Variants in ABTB1 observed in about 807,000 individuals in gnomAD.
The protein encoded by ABTB1 is ankyrin repeat and BTB domain containing 1.
A neutral mutation model predicts 57.1 loss-of-function variants in ABTB1; 45 were observed. That is an observed-to-expected ratio of 0.79 (90% CI 0.62 to 1.01). The LOEUF is 1.01. ABTB1 is among the 50% of genes least tolerant of loss of function. The pLI, the probability that ABTB1 is intolerant of heterozygous loss-of-function variation, is 0.00. For missense variants in ABTB1, 630 were observed against 666.3 expected (o/e 0.95, Z 0.60); for synonymous variants, 302 against 275.4 (o/e 1.10, Z -0.95).
rs138594407 is a variant in ABTB1 at position 127,674,967 on chromosome 3, C to G, written c.175+367C>G. 5.2e-3 allele frequency among the ~76,000 whole-genome samples: 790 copies of G among 152,252 alleles called. 6 individuals are homozygous for G. The highest frequency in any genetic ancestry group is 0.017 in the African/African-American group (720 of 41,548). The stretch of plus-strand genomic sequence containing the variant: ...ATACAGTGAGCCTGCCTGGCCATGC[C>G]CAAGGCTCCACAGGGTCTGCCCTCC... On this transcript the variant is annotated intron_variant, in intron 3 of 11. Coordinates refer to ENST00000232744, the MANE Select transcript of ABTB1 (RefSeq NM_172027.3).
Position 127,676,714 on chromosome 3 carries a change from T to G in ABTB1, c.526+133T>G, listed in dbSNP as rs2074991821. ...TCCCCCCGGGGTGGTTCCAGCTGCC[T>G]CTCGGGTTGGGTTGCAAGAGAGAGG... is the stretch of plus-strand genomic sequence containing the variant. On this transcript the variant is annotated intron_variant, in intron 6 of 11. Transcript: ENST00000232744. The surrounding 1 kb of genome is among the most constrained non-coding windows in gnomAD (Gnocchi z 5.4). 7 of 1,225,370 alleles carry G rather than the reference T, an allele frequency of 5.7e-6. No individual in the cohort carries two copies. The highest frequency in any genetic ancestry group is 8.1e-6 in the Non-Finnish European group (7 of 866,522). 75.9% of individuals were successfully genotyped at this position (1,225,370 alleles called of 1,614,324 possible). A position where few individuals can be genotyped will look rare whatever the true frequency, so the allele number is the denominator to read the frequency against.
At chr3:127,679,333 A>G (rs782456) in intron 10 of ABTB1, 253,756 of 342,922 alleles carry the variant, frequency 0.74, 94,708 homozygotes, top group African/African-American at 0.81. Flanking sequence ...CACATGGCAC[A>G]TGGCTTGTAA....
chr3:127,676,759 A>C lies in ABTB1; in HGVS notation c.526+178A>C. The C allele has an allele frequency of 1.1e-6, 1 of 898,722 alleles. No individual in the cohort carries two copies. The highest frequency in any genetic ancestry group is 1.7e-6 in the Non-Finnish European group (1 of 593,894). 55.7% of individuals were successfully genotyped at this position (898,722 alleles called of 1,614,324 possible). ...GAGAGGACTAGTGTGCCTGCTCAGG[A>C]AGAGCTTGTCCCACCCACATGCTGA... On this transcript the variant is annotated intron_variant, in intron 6 of 11. Transcript: ENST00000232744. This position sits in a 1 kb window ranked among gnomAD's most constrained non-coding sequence, Gnocchi z 5.4.
chr3:127,677,439 A>T (rs2075012312), intron 8 of ABTB1, 26 bp from the exon 9 acceptor site: 2 of 1,610,790 alleles, frequency 1.2e-6, no homozygotes, highest in African/African-American at 2.7e-5. Context: ...AACTGCTCTG[A>T]TGGGGTCACC....
intron 10 of ABTB1, 93 bp from the exon 11 acceptor site, chr3:127,679,891 GC>G (rs554111782): frequency 8.4e-6 from 11 of 1,307,580 alleles, no homozygotes; most frequent in Non-Finnish European, 7.6e-6. Flanking sequence ...TCCCGCCAGT[GC>G]CCCCCAACCA....
At position 127,680,336 on chromosome 3, in the gene ABTB1, A is replaced by C; in HGVS notation, c.1298A>C (p.Glu433Ala). The C allele has an allele frequency of 6.2e-7, 1 of 1,610,284 alleles. No homozygotes were observed. Among genetic ancestry groups the C allele is most frequent in the African/African-American group, 1.3e-5 (1 of 75,002 alleles). The part of the protein sequence containing the change: ...EEAAAVAARQ[E>A]TDSIPLVDDI... ...GCAGCGGCTGTGGCAGCCCGGCAGG[A>C]GACGGACTCTATCCCGCTGGTGGAC... is the stretch of plus-strand genomic sequence containing the variant. Residue 433 changes from glutamate to alanine, a missense_variant, in exon 12 of 12, where the codon GAG becomes GCG. Physicochemically the swap from Glu to Ala is moderately radical, Grantham distance 107. Coordinates refer to ENST00000232744, the MANE Select transcript of ABTB1 (RefSeq NM_172027.3).
At position 127,677,783 on chromosome 3, in the gene ABTB1, T is replaced by G. The variant is rs2075023284; in HGVS notation, c.969T>G (p.His323Gln). Residue 323 changes from histidine (H) to glutamine (Q), a missense_variant, in exon 10 of 12, where the codon CAT becomes CAG. Physicochemically the swap from His to Gln is conservative, Grantham distance 24. Coordinates refer to ENST00000232744, the MANE Select transcript of ABTB1 (RefSeq NM_172027.3). The part of the protein sequence containing the change: ...TSGGPPAVTL[H>Q]GISPDVFTHV... Reference sequence around the variant, plus strand: ...GGGGCCCCCCAGCCGTCACCCTGCATGGCATCTCACCCGACGTCTTCACTC... The same window carrying G: ...GGGGCCCCCCAGCCGTCACCCTGCAGGGCATCTCACCCGACGTCTTCACTC... 2 of 1,612,490 alleles carry G rather than the reference T, an allele frequency of 1.2e-6. No individual in the cohort carries two copies. Among genetic ancestry groups the G allele is most frequent in the African/African-American group, 2.7e-5 (2 of 74,884 alleles).
rs755349408 is a variant in ABTB1 at position 127,674,473 on chromosome 3, G to T, written c.119+20G>T. The T allele has an allele frequency of 1.1e-5, 17 of 1,610,502 alleles. No homozygotes were observed. The East Asian group carries it at 2.7e-4, about 25-fold the overall frequency. On this transcript the variant is annotated intron_variant, in intron 2 of 11. Transcript: ENST00000232744. ...CCCCTTGTGAGTGCTGGAGAGAGGGGTGGGGAGGGTGGGGGTTGGTGCACC... is the reference window on the plus strand; with the variant it reads ...CCCCTTGTGAGTGCTGGAGAGAGGGTTGGGGAGGGTGGGGGTTGGTGCACC...
Position 127,676,042 on chromosome 3 carries a change from G to A in ABTB1, c.248G>A (p.Arg83Gln), listed in dbSNP as rs201937228. 2.5e-5 allele frequency: 40 copies of A among 1,613,138 alleles called. No individual in the cohort carries two copies. In the East Asian group the frequency reaches 2.7e-4, roughly 11 times the overall value. Residue 83 changes from arginine (R) to glutamine (Q), a missense_variant, in exon 4 of 12, where the codon CGG (arginine) becomes CAG (glutamine). Physicochemically the swap from Arg to Gln is conservative, Grantham distance 43. Around this residue, in one of 3 missense-constraint regions of ABTB1, gnomAD observed 579 missense variants for 585.9 expected, o/e 0.99. Coordinates refer to ENST00000232744, the MANE Select transcript of ABTB1 (RefSeq NM_172027.3). The surrounding 1 kb of genome is among the most constrained non-coding windows in gnomAD (Gnocchi z 5.4). ...GGGGCACTGAGTGACCCCATCCGCC[G>A]GGCTCTACGCGATTACAAGCAGGTC... ...LYGALSDPIR[R>Q]ALRDYKQVTA...
At position 127,676,844 on chromosome 3, in the gene ABTB1, G is replaced by A; in HGVS notation, c.527-123G>A. 1 of 997,546 alleles carries A rather than the reference G, an allele frequency of 1.0e-6. No homozygotes were observed. The allele number at this position is 997,546 out of a possible 1,614,324, so 61.8% of individuals were successfully genotyped here. ...AGCTTTTGATGGGGAAACCATGGTG[G>A]CAAGTGGGCCCAGGAGTCCTAGTCC... On this transcript the variant is annotated intron_variant, in intron 6 of 11. Coordinates refer to ENST00000232744, the MANE Select transcript of ABTB1 (RefSeq NM_172027.3). This position sits in a 1 kb window ranked among gnomAD's most constrained non-coding sequence, Gnocchi z 5.4.
At chr3:127,678,312 G>T (rs2075035764) in intron 10 of ABTB1, 1 of 145,982 alleles carries the variant, frequency 6.9e-6, no homozygotes, top group African/African-American at 2.8e-5. Context: ...GAGAGAGTGT[G>T]TGTGTGCGTG....
chr3:127,677,562 A>G lies in ABTB1; in HGVS notation c.860A>G (p.Lys287Arg), dbSNP rs2075015222. The change falls in exon 9 of 12, where the codon AAG (lysine) becomes AGG (arginine). Residue 287 changes from lysine (K) to arginine (R), a missense_variant and splice_region_variant. Coordinates refer to ENST00000232744, the MANE Select transcript of ABTB1 (RefSeq NM_172027.3). ...GCTGGCTGCAGCTTCCTCTGCCACAAGGTGCCTGTGCCCTCCTGTTGCCCC... is the reference window on the plus strand; with the variant it reads ...GCTGGCTGCAGCTTCCTCTGCCACAGGGTGCCTGTGCCCTCCTGTTGCCCC... ...RVAGCSFLCH[K>R]AFFCGRSDYF... 6.2e-7 allele frequency: 1 copy of G among 1,613,748 alleles called. No individual in the cohort carries two copies. Among genetic ancestry groups the G allele is most frequent in the African/African-American group, 1.3e-5 (1 of 74,898 alleles).
At chr3:127,674,995 C>T (rs1414603903) in intron 3 of ABTB1, among the ~76,000 whole-genome samples, 2 of 152,176 alleles carry the variant, frequency 1.3e-5, no homozygotes, top group East Asian at 3.9e-4. Context: ...TGCCCTCCCA[C>T]TGGCCTCATT....
intron 3 of ABTB1, 145 bp downstream of exon 3, chr3:127,674,745 C>A: frequency 2.0e-6 from 2 of 1,000,212 alleles, no homozygotes; most frequent in South Asian, 1.4e-5. Context: ...GTCGAATCAG[C>A]AAGTACTATT....
chr3:127,677,250 G>A lies in ABTB1; in HGVS notation c.726G>A (p.Ala242=), dbSNP rs143033184. The change falls in exon 8 of 12, where the codon GCG becomes GCA. Residue 242 remains alanine, a synonymous_variant. Transcript: ENST00000232744. ...PADPRLREDM[A]LLADCALPPE... ...ACCCCCGCCTCCGGGAGGACATGGCGCTGCTGGCCGATTGTGCCCTGCCCC... is the reference window on the plus strand; with the variant it reads ...ACCCCCGCCTCCGGGAGGACATGGCACTGCTGGCCGATTGTGCCCTGCCCC... The A allele has an allele frequency of 6.7e-4, 1,067 of 1,595,706 alleles. 4 individuals carry two copies. The highest frequency in any genetic ancestry group is 8.6e-4 in the Admixed American group (49 of 56,850).
At chr3:127,679,350 C>T (rs1022721796) in intron 10 of ABTB1, 38 of 350,762 alleles carry the variant, frequency 1.1e-4, no homozygotes, top group Admixed American at 9.4e-4. Context: ...GTAATGTGGT[C>T]GCAGAGCTCC....
At chr3:127,678,900 A>T (rs1428033314) in intron 10 of ABTB1, 3 of 152,306 alleles carry the variant, frequency 2.0e-5, no homozygotes, top group Admixed American at 2.0e-4. Context: ...AAGGGGAGGA[A>T]GCATGCTGGG....
At chr3:127,679,826 C>G in intron 10 of ABTB1, 159 bp from the exon 11 acceptor site, 1 of 644,782 alleles carries the variant, frequency 1.6e-6, no homozygotes, top group South Asian at 1.8e-5. Flanking sequence ...TGGGCCAGCC[C>G]CCCGACCCCC....
rs143434748 is a variant in ABTB1, at chr3:127,678,940, A to G, written c.1030-1045A>G. ...AGAGGGCAGTCCCTACTGCTGCTCTATCTCCAGTGGCAGCTCCCTTGTCCA... is the reference window on the plus strand; with the variant it reads ...AGAGGGCAGTCCCTACTGCTGCTCTGTCTCCAGTGGCAGCTCCCTTGTCCA... On this transcript the variant is annotated intron_variant, in intron 10 of 11. Transcript: ENST00000232744. 977 of 153,094 alleles carry G rather than the reference A, an allele frequency of 6.4e-3. 9 individuals are homozygous for G. Among genetic ancestry groups the G allele is most frequent in the Non-Finnish European group, 0.011 (774 of 68,448 alleles). 9.5% of individuals were successfully genotyped at this position (153,094 alleles called of 1,614,324 possible). A position where few individuals can be genotyped will look rare whatever the true frequency, so the allele number is the denominator to read the frequency against.
Sources: gnomAD v4.1 joint callset for allele counts (sites outside exome capture counted in the v4.1 genomes callset) on GRCh38, gnomAD v4.1.1 for gene constraint, gnomAD v4.1.1 regional missense constraint, Gnocchi (gnomAD v3.1) non-coding constraint, MANE v1.5 for transcripts, NCBI Gene and HGNC (gene_info 2026-07-23, HGNC 2026-07-21) for gene names.